The following NFILZ variants were observed in gnomAD, a reference collection of about 807,000 sequenced individuals.
The protein encoded by NFILZ is NFIL3 like protein.
Position 8,635,654 on chromosome 19 carries a change from G to A in NFILZ, c.-256G>A, listed in dbSNP as rs560242391. The stretch of plus-strand genomic sequence containing the variant: ...CATCCATTCATTTGTTGACAGACAC[G>A]TGAGTTGTTTCCAGTTTTGGTGACG... On this transcript the variant is annotated 5_prime_UTR_variant, in exon 3 of 6. It adds an upstream start codon to the 5' untranslated region. Coordinates refer to ENST00000691075, the MANE Select transcript of NFILZ (RefSeq NM_001378600.1). The A allele has an allele frequency of 1.3e-5, 2 of 152,124 alleles. No individual in the cohort carries two copies. Among genetic ancestry groups the A allele is most frequent in the South Asian group, 2.1e-4 (1 of 4,828 alleles). 9.4% of individuals were successfully genotyped at this position (152,124 alleles called of 1,614,324 possible). A position where few individuals can be genotyped will look rare whatever the true frequency, so the allele number is the denominator to read the frequency against.
In NFILZ at chr19:8,652,983, C is replaced by T. The variant is rs74197647; in HGVS notation, c.-164+17237C>T. 7.1e-3 allele frequency among the ~76,000 whole-genome samples: 236 copies of T among 33,416 alleles called. 12 individuals are homozygous for T. The highest frequency in any genetic ancestry group is 0.026 in the Middle Eastern group (3 of 114). The allele number at this position is 33,416 out of a possible 152,430, so 21.9% of individuals were successfully genotyped here. Reference sequence around the variant, plus strand: ...CCCTTCCTTCCCTCCTTCCTTCCTTCCTTCCTTCCTTCCTTCCTTCCTTCC... The same window carrying T: ...CCCTTCCTTCCCTCCTTCCTTCCTTTCTTCCTTCCTTCCTTCCTTCCTTCC... On this transcript the variant is annotated intron_variant, in intron 3 of 5. Transcript: ENST00000691075.
rs1464007829 is a variant in NFILZ, at chr19:8,653,043, T to C, written c.-164+17297T>C. On this transcript the variant is annotated intron_variant, in intron 3 of 5. Transcript: ENST00000691075. ...TTCTTTCTTTCTTTCTTTCTTTCTC[T>C]CTCTCTCTCTCTCTCTCTCTCTCTC... 9.2e-4 allele frequency among the ~76,000 whole-genome samples: 64 copies of C among 69,234 alleles called. 1 individual carries two copies. The highest frequency in any genetic ancestry group is 1.6e-3 in the South Asian group (3 of 1,826). 45.4% of individuals were successfully genotyped at this position (69,234 alleles called of 152,430 possible). A position where few individuals can be genotyped will look rare whatever the true frequency, so the allele number is the denominator to read the frequency against.
intron 3 of NFILZ, among the ~76,000 whole-genome samples, chr19:8,665,962 G>A (rs1360655448): frequency 6.6e-6 from 1 of 152,132 alleles, no homozygotes; most frequent in African/African-American, 2.4e-5. Flanking sequence ...AAAAGCTTGT[G>A]GGCTACCCTC....
At chr19:8,667,039 C>T (rs1421109976) in intron 3 of NFILZ, among the ~76,000 whole-genome samples, 1 of 151,688 alleles carries the variant, frequency 6.6e-6, no homozygotes, top group East Asian at 1.9e-4. Flanking sequence ...TGTGAGCCAC[C>T]TCGCTCGGCT....
At position 8,681,054 on chromosome 19, in the gene NFILZ, G is replaced by A. The variant is rs115621977; in HGVS notation, c.*3419G>A. Reference sequence around the variant, plus strand: ...TCCTTTCTGAGTGATATGGGCATGAGGGGGACGTTTCCAAGTATATTTCTG... The same window carrying A: ...TCCTTTCTGAGTGATATGGGCATGAAGGGGACGTTTCCAAGTATATTTCTG... On this transcript the variant is annotated 3_prime_UTR_variant, in exon 6 of 6. Transcript: ENST00000691075. Among the ~76,000 whole-genome samples, 3 of 152,146 alleles carry A rather than the reference G, an allele frequency of 2.0e-5. No homozygotes were observed. Among genetic ancestry groups the A allele is most frequent in the African/African-American group, 7.2e-5 (3 of 41,504 alleles).
intron 3 of NFILZ, among the ~76,000 whole-genome samples, chr19:8,669,358 G>A (rs73924318): frequency 0.016 from 2,375 of 152,292 alleles, 60 homozygotes; most frequent in African/African-American, 0.054. Flanking sequence ...AACCAATGAG[G>A]TAGGTACTGC....
intron 3 of NFILZ, among the ~76,000 whole-genome samples, chr19:8,659,612 G>A (rs558661466): frequency 6.6e-6 from 1 of 152,292 alleles, no homozygotes; most frequent in African/African-American, 2.4e-5. Context: ...CAGGAAAGTA[G>A]CATAATCTGA....
rs2043114335 is a variant in NFILZ at position 8,677,172 on chromosome 19, AC to A, written c.408del (p.His136GlnfsTer5). On this transcript the variant is annotated frameshift_variant, in exon 6 of 6. Coordinates refer to ENST00000691075, the MANE Select transcript of NFILZ (RefSeq NM_001378600.1). LOFTEE classifies it low-confidence loss of function (END_TRUNC). ...AEALSSLSGS[H>X]SCLLRPRSLD... ...GCACTCTCATCCTTGTCTGGCTCTC[AC>A]AGCTGCCTCTTAAGGCCACGTTCCC... 1 of 152,558 alleles carries A rather than the reference AC, an allele frequency of 6.6e-6. No homozygotes were observed. The highest frequency in any genetic ancestry group is 6.5e-5 in the Admixed American group (1 of 15,292). The allele number at this position is 152,558 out of a possible 1,614,324, so 9.5% of individuals were successfully genotyped here. A position where few individuals can be genotyped will look rare whatever the true frequency, so the allele number is the denominator to read the frequency against.
At chr19:8,651,503 C>T (rs368292721) in intron 3 of NFILZ, among the ~76,000 whole-genome samples, 2 of 151,298 alleles carry the variant, frequency 1.3e-5, no homozygotes, top group Middle Eastern at 3.6e-3. Context: ...TATTGTGCTA[C>T]GGAACACTAG....
In NFILZ at chr19:8,678,179, A is replaced by ATCCATCCATCCATCTATCCATCCACCCT. The variant is rs2043126764; in HGVS notation, c.*555_*556insATCTATCCATCCACCCTTCCATCCATCC. On this transcript the variant is annotated 3_prime_UTR_variant, in exon 6 of 6. Transcript: ENST00000691075. ...CATCCATCCATCCATCCATCCATCCATCCATCCATCCGTCCATCTATCCAT... is the reference window on the plus strand; with the variant it reads ...CATCCATCCATCCATCCATCCATCCATCCATCCATCCATCTATCCATCCACCCTTCCATCCATCCGTCCATCTATCCAT... Among the ~76,000 whole-genome samples the ATCCATCCATCCATCTATCCATCCACCCT allele has an allele frequency of 4.8e-5, 1 of 20,976 alleles. No individual in the cohort carries two copies. Among genetic ancestry groups the ATCCATCCATCCATCTATCCATCCACCCT allele is most frequent in the Non-Finnish European group, 9.8e-5 (1 of 10,196 alleles). 13.8% of individuals were successfully genotyped at this position (20,976 alleles called of 152,430 possible).
At chr19:8,645,189 A>G (rs2042933973) in intron 3 of NFILZ, among the ~76,000 whole-genome samples, 1 of 151,844 alleles carries the variant, frequency 6.6e-6, no homozygotes, top group African/African-American at 2.4e-5. Context: ...GCTGGAGTGC[A>G]GTGGTGCAAT....
chr19:8,633,216 T>G (rs2042878735), intron 2 of NFILZ, among the ~76,000 whole-genome samples: 1 of 151,990 alleles, frequency 6.6e-6, no homozygotes, highest in Admixed American at 6.6e-5. Context: ...GAGACGGGGT[T>G]TTACCGTGTT....
rs2918309 is a variant in NFILZ at position 8,679,659 on chromosome 19, T to C, written c.*2024T>C. On this transcript the variant is annotated 3_prime_UTR_variant, in exon 6 of 6. Transcript: ENST00000691075. Reference sequence around the variant, plus strand: ...ACATCACAGGTAGGACCTCCTCTACTTGCTCAGCCTTTGGTTCTGGTCCAG... The same window carrying C: ...ACATCACAGGTAGGACCTCCTCTACCTGCTCAGCCTTTGGTTCTGGTCCAG... 0.19 allele frequency among the ~76,000 whole-genome samples: 28,853 copies of C among 151,992 alleles called. 2,929 individuals carry two copies. Among genetic ancestry groups the C allele is most frequent in the Admixed American group, 0.24 (3,629 of 15,286 alleles).
chr19:8,660,385 T>C (rs540239520), intron 3 of NFILZ, among the ~76,000 whole-genome samples: 56 of 152,046 alleles, frequency 3.7e-4, no homozygotes, highest in African/African-American at 1.4e-3. Flanking sequence ...CGGGGGCTGG[T>C]GTTCTAGCGG....
chr19:8,640,601 C>T (rs531440710), intron 3 of NFILZ, among the ~76,000 whole-genome samples: 5 of 151,996 alleles, frequency 3.3e-5, no homozygotes, highest in South Asian at 2.1e-4. Flanking sequence ...AAAATTGAGG[C>T]GGCGACACGA....
intron 3 of NFILZ, among the ~76,000 whole-genome samples, chr19:8,640,423 C>T (rs1229512333): frequency 6.8e-6 from 1 of 148,128 alleles, no homozygotes; most frequent in African/African-American, 2.5e-5. Context: ...TTGCATAACA[C>T]AGCATAGAGC....
In NFILZ at chr19:8,663,790, T is replaced by TG. The variant is rs1231618644; in HGVS notation, c.-163-10754dup. ...TGTGTGTATGTATGTGTGTTTGTTG[T>TG]GGGGGGGACTTGGTGGCCTGAGTGG... On this transcript the variant is annotated intron_variant, in intron 3 of 5. Transcript: ENST00000691075. 2.5e-4 allele frequency among the ~76,000 whole-genome samples: 8 copies of TG among 32,022 alleles called. 1 individual carries two copies. The highest frequency in any genetic ancestry group is 1.3e-3 in the African/African-American group (7 of 5,314). The allele number at this position is 32,022 out of a possible 152,430, so 21.0% of individuals were successfully genotyped here. A position where few individuals can be genotyped will look rare whatever the true frequency, so the allele number is the denominator to read the frequency against.
At chr19:8,655,685 C>T (rs1481756499) in intron 3 of NFILZ, among the ~76,000 whole-genome samples, 1 of 152,090 alleles carries the variant, frequency 6.6e-6, no homozygotes, top group Non-Finnish European at 1.5e-5. Flanking sequence ...TTCAGGGACC[C>T]CACACCCAGC....
In NFILZ at chr19:8,640,316, G is replaced by GTT. The variant is rs71179871; in HGVS notation, c.-164+4589_-164+4590dup. 6.4e-4 allele frequency among the ~76,000 whole-genome samples: 80 copies of GTT among 124,224 alleles called. 2 individuals carry two copies. The highest frequency in any genetic ancestry group is 2.0e-3 in the African/African-American group (65 of 33,288). The allele number at this position is 124,224 out of a possible 152,430, so 81.5% of individuals were successfully genotyped here. A position where few individuals can be genotyped will look rare whatever the true frequency, so the allele number is the denominator to read the frequency against. On this transcript the variant is annotated intron_variant, in intron 3 of 5. Coordinates refer to ENST00000691075, the MANE Select transcript of NFILZ (RefSeq NM_001378600.1). ...GCAAGAACCTATTGTTCCTGCTGTA[G>GTT]TTTTTTTTTTTTTTTTTTTTACCAT...
Sources: allele counts gnomAD v4.1 joint callset (sites outside exome capture counted in the v4.1 genomes callset), GRCh38; gene constraint gnomAD v4.1.1; transcripts MANE v1.5; gene names NCBI Gene and HGNC (gene_info 2026-07-23, HGNC 2026-07-21).